Variants in AGO3 observed in about 807,000 individuals in gnomAD.
AGO3 encodes argonaute RISC catalytic component 3.
In AGO3, 16 loss-of-function variants were observed where a neutral mutation model predicts 105.5. That is an observed-to-expected ratio of 0.15 (90% confidence interval 0.10 to 0.23). The LOEUF (loss-of-function observed/expected upper bound fraction) is 0.23, where lower values mean the gene tolerates loss of function less well. AGO3 is among the 10% of genes least tolerant of loss of function. The pLI is 1.00. For synonymous variants in AGO3, 340 were observed against 367.3 expected (o/e 0.93, Z 0.85); for missense variants, 534 against 1,088.0 (o/e 0.49, Z 7.16).
In AGO3 at chr1:36,068,988, T is replaced by C. The variant is rs1051228781; in HGVS notation, c.*13243T>C. The C allele has an allele frequency of 6.6e-6, 1 of 152,226 alleles. No homozygotes were observed. The highest frequency in any genetic ancestry group is 2.4e-5 in the African/African-American group (1 of 41,464). 9.4% of individuals were successfully genotyped at this position (152,226 alleles called of 1,614,324 possible). On this transcript the variant is annotated 3_prime_UTR_variant, in exon 19 of 19. Coordinates refer to ENST00000373191, the MANE Select transcript of AGO3 (RefSeq NM_024852.4). ...GAGCCAGAGACTTGGAATTTAGTAA[T>C]AGGTCTCCCACTGATTTGCTCCGTG...
At chr1:35,952,224 G>T (rs1646487861) in intron 2 of AGO3, among the ~76,000 whole-genome samples, 1 of 142,534 alleles carries the variant, frequency 7.0e-6, no homozygotes, top group African/African-American at 2.7e-5. Flanking sequence ...GCGGCTCACT[G>T]CAACCTCTGC....
intron 1 of AGO3, among the ~76,000 whole-genome samples, chr1:35,941,409 A>C (rs543889599): frequency 2.0e-5 from 3 of 152,282 alleles, no homozygotes; most frequent in South Asian, 4.1e-4. Context: ...TACTTAAAAA[A>C]AAATTTAAGT....
At chr1:35,981,493 C>A (rs905902840) in intron 5 of AGO3, among the ~76,000 whole-genome samples, 1 of 152,126 alleles carries the variant, frequency 6.6e-6, no homozygotes, top group East Asian at 1.9e-4. Context: ...GCCATGAGTT[C>A]CCCAGGTCCT....
Position 35,985,173 on chromosome 1 carries a change from C to T in AGO3, c.658+11662C>T, listed in dbSNP as rs76979671. Among the ~76,000 whole-genome samples the T allele has an allele frequency of 1.8e-4, 27 of 152,166 alleles. No individual in the cohort carries two copies. The East Asian group carries it at 5.2e-3, about 29-fold the overall frequency. ...AGGTGTGTGACTGTAGTCCCAGCTA[C>T]TCAAGAGGCTCAGTTGGGAGAATCG... On this transcript the variant is annotated intron_variant, in intron 5 of 18. Transcript: ENST00000373191.
intron 5 of AGO3, among the ~76,000 whole-genome samples, chr1:35,997,163 C>A (rs1284278626): frequency 6.6e-6 from 1 of 151,940 alleles, no homozygotes; most frequent in Non-Finnish European, 1.5e-5. Flanking sequence ...CCTGTAATCC[C>A]AGCTACTTGG....
intron 2 of AGO3, among the ~76,000 whole-genome samples, chr1:35,949,812 C>T (rs552002680): frequency 2.6e-5 from 4 of 152,202 alleles, no homozygotes; most frequent in East Asian, 3.9e-4. Flanking sequence ...TTGCAGGAGA[C>T]GAGTTCTCCC....
chr1:36,018,073 C>T (rs149089893), intron 11 of AGO3, among the ~76,000 whole-genome samples: 3,423 of 151,412 alleles, frequency 0.023, 123 homozygotes, highest in African/African-American at 0.077. Flanking sequence ...CTCTGCCTCC[C>T]GGGATCAAAC....
At chr1:36,053,383 A>C (rs146979322) in intron 17 of AGO3, among the ~76,000 whole-genome samples, 2,329 of 151,324 alleles carry the variant, frequency 0.015, 49 homozygotes, top group African/African-American at 0.053. Context: ...CAGGTTAAAG[A>C]GATTCTCCTG....
intron 14 of AGO3, among the ~76,000 whole-genome samples, chr1:36,037,288 G>GGC (rs1642053209): frequency 6.6e-6 from 1 of 152,196 alleles, no homozygotes; most frequent in African/African-American, 2.4e-5. Flanking sequence ...GGGAGGCTGA[G>GGC]GCGGGGGTGG....
chr1:36,043,269 A>G (rs1311489457), intron 16 of AGO3, 178 bp from the exon 17 acceptor site: 1 of 578,326 alleles, frequency 1.7e-6, no homozygotes, highest in African/African-American at 1.9e-5. Flanking sequence ...TTTCAGCAAC[A>G]TGTAAGAATA....
chr1:35,986,031 GAT>G (rs957242925), intron 5 of AGO3, among the ~76,000 whole-genome samples: 10 of 152,270 alleles, frequency 6.6e-5, no homozygotes, highest in African/African-American at 2.2e-4. Context: ...AAAGCCTTAT[GAT>G]TTGCAAAAAG....
intron 5 of AGO3, among the ~76,000 whole-genome samples, chr1:36,003,094 GATAAATAA>G (rs772552120): frequency 2.0e-5 from 3 of 150,874 alleles, no homozygotes; most frequent in Admixed American, 6.6e-5. Context: ...TAGATAAATA[GATAAATAA>G]ATAAATAAAG....
chr1:35,969,683 T>C (rs981681390), intron 3 of AGO3, among the ~76,000 whole-genome samples: 1 of 152,176 alleles, frequency 6.6e-6, no homozygotes, highest in Non-Finnish European at 1.5e-5. Flanking sequence ...CTGCGAAATG[T>C]GTCCTTGGGC....
chr1:35,948,195 ATATT>A (rs1178508508), intron 2 of AGO3, among the ~76,000 whole-genome samples: 2 of 152,002 alleles, frequency 1.3e-5, no homozygotes, highest in Non-Finnish European at 2.9e-5. Context: ...GGTGGCAAAA[ATATT>A]AAGTAAAAGG....
chr1:36,005,503 G>GT (rs1379105614), intron 6 of AGO3, among the ~76,000 whole-genome samples: 2 of 152,180 alleles, frequency 1.3e-5, no homozygotes, highest in African/African-American at 4.8e-5. Context: ...TTATGTAACT[G>GT]TTTTGCAACC....
intron 1 of AGO3, among the ~76,000 whole-genome samples, chr1:35,938,452 G>C (rs949223670): frequency 1.3e-5 from 2 of 152,146 alleles, no homozygotes; most frequent in Non-Finnish European, 1.5e-5. Context: ...CCATCCGTCT[G>C]TCCATATATT....
At chr1:36,004,219 T>C in intron 5 of AGO3, 122 bp from the exon 6 acceptor site, 1 of 1,025,164 alleles carries the variant, frequency 9.8e-7, no homozygotes, top group South Asian at 2.6e-5. Flanking sequence ...GAAATTTGTA[T>C]GTACATAAAT....
At chr1:35,961,858 G>T (rs917886452) in intron 2 of AGO3, among the ~76,000 whole-genome samples, 2 of 152,102 alleles carry the variant, frequency 1.3e-5, no homozygotes, top group Admixed American at 6.6e-5. Context: ...CTCATTTGGG[G>T]CTTGTACCCT....
At chr1:36,001,183 C>T (rs777161538) in intron 5 of AGO3, among the ~76,000 whole-genome samples, 11 of 151,390 alleles carry the variant, frequency 7.3e-5, no homozygotes, top group Admixed American at 2.6e-4. Flanking sequence ...TGCAGTGAGC[C>T]GAGATCACAC....
Sources: allele counts gnomAD v4.1 joint callset (sites outside exome capture counted in the v4.1 genomes callset), GRCh38; gene constraint gnomAD v4.1.1; transcripts MANE v1.5; gene names NCBI Gene and HGNC (gene_info 2026-07-23, HGNC 2026-07-21).